The following ROBO2 variants were observed in gnomAD, a reference collection of about 807,000 sequenced individuals.
The protein encoded by ROBO2 is roundabout guidance receptor 2.
Under a neutral mutation model 160.8 loss-of-function variants are expected in ROBO2, and 53 were observed. The ratio of observed to expected loss-of-function variants is 0.33; its 90% CI spans 0.26 to 0.41. The LOEUF (loss-of-function observed/expected upper bound fraction) is 0.41, where lower values mean the gene tolerates loss of function less well. Among genes scored for constraint, ROBO2 ranks in the 10% least tolerant of loss-of-function variants. The pLI, the probability that ROBO2 is intolerant of heterozygous loss-of-function variation, is 1.00. For synonymous variants in ROBO2, 664 were observed against 611.7 expected (o/e 1.09, Z -1.26); for missense variants, 1,577 against 1,722.4 (o/e 0.92, Z 1.49).
intron 2 of ROBO2, among the ~76,000 whole-genome samples, chr3:76,162,017 A>G (rs2072659274): frequency 6.6e-6 from 1 of 152,168 alleles, no homozygotes; most frequent in Non-Finnish European, 1.5e-5. Context: ...ATTATGTACA[A>G]TCTTTAGTTC....
intron 2 of ROBO2, among the ~76,000 whole-genome samples, chr3:76,669,602 A>T (rs191370330): frequency 9.5e-4 from 145 of 152,278 alleles, no homozygotes; most frequent in Non-Finnish European, 1.3e-3. Context: ...ATAAAAAGAT[A>T]GATAAGGAAG....
chr3:76,511,013 A>G (rs1577760231), intron 2 of ROBO2, among the ~76,000 whole-genome samples: 1 of 152,202 alleles, frequency 6.6e-6, no homozygotes, highest in East Asian at 1.9e-4. Flanking sequence ...CTGATCATGA[A>G]TCGGCAAAGT....
At chr3:77,621,497 G>T (rs1164105470) in intron 22 of ROBO2, among the ~76,000 whole-genome samples, 1 of 152,042 alleles carries the variant, frequency 6.6e-6, no homozygotes, top group Non-Finnish European at 1.5e-5. Flanking sequence ...ATTTCATAAG[G>T]TTGAGATTAG....
At chr3:77,011,398 C>A (rs2149465797) in intron 2 of ROBO2, among the ~76,000 whole-genome samples, 1 of 152,248 alleles carries the variant, frequency 6.6e-6, no homozygotes, top group South Asian at 2.1e-4. Flanking sequence ...AGACATGTTT[C>A]TGTGTCAAGT....
intron 2 of ROBO2, among the ~76,000 whole-genome samples, chr3:77,399,399 T>C (rs894359979): frequency 2.6e-5 from 4 of 152,182 alleles, no homozygotes; most frequent in Admixed American, 6.5e-5. Flanking sequence ...CTTTTTACAA[T>C]ACTTGGCTTA....
At chr3:76,797,471 C>A (rs2063788884) in intron 2 of ROBO2, among the ~76,000 whole-genome samples, 1 of 151,596 alleles carries the variant, frequency 6.6e-6, no homozygotes, top group Non-Finnish European at 1.5e-5. Context: ...CAATGAGCAC[C>A]TATATAAAAA....
At chr3:77,031,141 T>A (rs1349139303) in intron 2 of ROBO2, among the ~76,000 whole-genome samples, 1 of 152,162 alleles carries the variant, frequency 6.6e-6, no homozygotes, top group Non-Finnish European at 1.5e-5. Flanking sequence ...CCAGCCAGAT[T>A]TAACAACCAT....
Position 77,285,560 on chromosome 3 carries a change from G to A in ROBO2, c.388+187220G>A, listed in dbSNP as rs994178887. ...ATACGTGATGTTTGACAGAAATGACGTTTTATTTTTCTCTTTATATAAATC... is the reference window on the plus strand; with the variant it reads ...ATACGTGATGTTTGACAGAAATGACATTTTATTTTTCTCTTTATATAAATC... On this transcript the variant is annotated intron_variant, in intron 2 of 25. Transcript: ENST00000461745. Among the ~76,000 whole-genome samples, 7 of 152,158 alleles carry A rather than the reference G, an allele frequency of 4.6e-5. No homozygotes were observed. The South Asian group carries it at 1.2e-3, about 27-fold the overall frequency.
chr3:77,325,189 G>GA (rs60841249), intron 2 of ROBO2, among the ~76,000 whole-genome samples: 1 of 151,898 alleles, frequency 6.6e-6, no homozygotes, highest in East Asian at 1.9e-4. Context: ...CATTTTCAGG[G>GA]AAAAAAATAT....
At chr3:76,353,512 TC>T (rs1188185893) in intron 2 of ROBO2, among the ~76,000 whole-genome samples, 3 of 152,014 alleles carry the variant, frequency 2.0e-5, no homozygotes. Flanking sequence ...TTCAGCCACA[TC>T]TGCTTTGTTG....
intron 2 of ROBO2, among the ~76,000 whole-genome samples, chr3:76,466,147 A>C (rs1269292961): frequency 6.6e-5 from 10 of 151,884 alleles, no homozygotes; most frequent in Admixed American, 6.6e-4. Flanking sequence ...ATTCTGAACC[A>C]TGAATAGCTC....
intron 2 of ROBO2, among the ~76,000 whole-genome samples, chr3:76,644,515 T>C (rs980338091): frequency 4.6e-5 from 7 of 152,092 alleles, no homozygotes; most frequent in Non-Finnish European, 8.8e-5. Context: ...CTACAGCCAC[T>C]CACAAAGCAT....
At chr3:77,445,520 C>T (rs1227382657) in intron 2 of ROBO2, among the ~76,000 whole-genome samples, 3 of 151,936 alleles carry the variant, frequency 2.0e-5, no homozygotes, top group Non-Finnish European at 4.4e-5. Context: ...CTAATAGTGA[C>T]TTTCGACCAA....
chr3:76,372,277 G>A (rs560965281), intron 2 of ROBO2, among the ~76,000 whole-genome samples: 10 of 151,750 alleles, frequency 6.6e-5, no homozygotes, highest in Non-Finnish European at 8.8e-5. Flanking sequence ...CTGTACAGAA[G>A]CTAAAAATTT....
At chr3:76,637,978 T>C (rs2090431289) in intron 2 of ROBO2, among the ~76,000 whole-genome samples, 1 of 152,214 alleles carries the variant, frequency 6.6e-6, no homozygotes, top group Non-Finnish European at 1.5e-5. Context: ...TGAATAGAAC[T>C]GACTTAATTT....
At chr3:77,205,758 A>T (rs922408919) in intron 2 of ROBO2, among the ~76,000 whole-genome samples, 9 of 152,158 alleles carry the variant, frequency 5.9e-5, no homozygotes, top group Admixed American at 5.9e-4. Context: ...AATACTGCCG[A>T]TTATATTTCA....
At chr3:77,532,393 T>A (rs2091808757) in intron 6 of ROBO2, among the ~76,000 whole-genome samples, 1 of 152,148 alleles carries the variant, frequency 6.6e-6, no homozygotes, top group Admixed American at 6.5e-5. Flanking sequence ...TATATCTTGG[T>A]AATGATCATC....
rs1483587500 is a variant in ROBO2 at position 76,398,290 on chromosome 3, A to C, written c.109+460688A>C. 1.8e-4 allele frequency among the ~76,000 whole-genome samples: 26 copies of C among 146,640 alleles called. No homozygotes were observed. The East Asian group carries it at 5.2e-3, about 30-fold the overall frequency. On this transcript the variant is annotated intron_variant, in intron 2 of 26. Coordinates refer to the ROBO2 transcript ENST00000487694. ...AATTGAACAATGAGAACACATGGAC[A>C]CAGGAAGGGGAACATCACACTCTGG... is the stretch of plus-strand genomic sequence containing the variant.
chr3:77,645,296 C>T (rs1295453415), intron 25 of ROBO2, among the ~76,000 whole-genome samples: 3 of 152,088 alleles, frequency 2.0e-5, no homozygotes, highest in Admixed American at 6.6e-5. Context: ...TTTCAAGTTA[C>T]TCTATATTTA....
Sources: allele counts gnomAD v4.1 joint callset (sites outside exome capture counted in the v4.1 genomes callset), GRCh38; gene constraint gnomAD v4.1.1; transcripts MANE v1.5; gene names NCBI Gene and HGNC (gene_info 2026-07-23, HGNC 2026-07-21).